DHH: variants seen among roughly 807,000 people sequenced by gnomAD.
DHH encodes the protein desert hedgehog signaling molecule.
In DHH, 16 loss-of-function variants were observed where a neutral mutation model predicts 27.6. The ratio of observed to expected loss-of-function variants is 0.58; its 90% CI spans 0.39 to 0.88. The LOEUF is 0.88. DHH is among the 40% of genes least tolerant of loss of function. DHH has a pLI of 0.00. For missense variants in DHH, 436 were observed against 563.1 expected, an observed-to-expected ratio of 0.77 and a Z score of 2.28; for synonymous variants, 289 against 263.4, an observed-to-expected ratio of 1.10 and a Z score of -0.94.
At position 49,086,835 on chromosome 12, in the gene DHH, G is replaced by C. The variant is rs373642165; in HGVS notation, c.*3024C>G. On this transcript the variant is annotated 3_prime_UTR_variant, in exon 3 of 3. Transcript: ENST00000649637. ...CTGGACTACTACAGAAATGCTGCTA[G>C]TATACCTCCAGCTTCTGAAAGTGCT... Among the ~76,000 whole-genome samples, 10 of 152,300 alleles carry C rather than the reference G, an allele frequency of 6.6e-5. No homozygotes were observed. In the East Asian group the frequency reaches 1.7e-3, roughly 26 times the overall value.
chr12:49,091,011 G>A lies in DHH; in HGVS notation c.565+117C>T, dbSNP rs1592185742. The stretch of plus-strand genomic sequence containing the variant: ...GGCACCGCCTCGGCCTGGACGGGTG[G>A]TTTTCAACACTAAAGCCCGCTTGGT... On this transcript the variant is annotated intron_variant, in intron 2 of 2. Coordinates refer to ENST00000649637, the MANE Select transcript of DHH (RefSeq NM_021044.4). This position sits in a 1 kb window ranked among gnomAD's most constrained non-coding sequence, Gnocchi z 4.8. 8 of 1,534,554 alleles carry A rather than the reference G, an allele frequency of 5.2e-6. No individual in the cohort carries two copies. In the East Asian group the frequency reaches 1.6e-4, roughly 30 times the overall value.
chr12:49,092,189 C>G (rs977438483), intron 1 of DHH: 14 of 152,512 alleles, frequency 9.2e-5, no homozygotes, highest in African/African-American at 2.9e-4. Flanking sequence ...CCCCTCCCCC[C>G]GCGCGTCCAG....
chr12:49,092,558 A>T (rs548197415), intron 1 of DHH, among the ~76,000 whole-genome samples: 1 of 152,246 alleles, frequency 6.6e-6, no homozygotes, highest in Admixed American at 6.5e-5. Context: ...ACAGAAAGAC[A>T]CTTTTCCCCT....
rs2117028 is a variant in DHH, at chr12:49,087,165, G to A, written c.*2694C>T. On this transcript the variant is annotated 3_prime_UTR_variant, in exon 3 of 3. Transcript: ENST00000649637. Reference sequence around the variant, plus strand: ...CCCACCTGCTGCACCAAGATGGTGCGCATTGCCGCTTGAAGGCAAGTCATG... The same window carrying A: ...CCCACCTGCTGCACCAAGATGGTGCACATTGCCGCTTGAAGGCAAGTCATG... Among the ~76,000 whole-genome samples the A allele has an allele frequency of 0.46, 70,382 of 151,572 alleles. 16,442 individuals carry two copies. The highest frequency in any genetic ancestry group is 0.54 in the South Asian group (2,615 of 4,806).
In DHH at chr12:49,090,187, G is replaced by T. The variant is rs1224016185; in HGVS notation, c.863C>A (p.Pro288Gln). Reference protein sequence around the residue: ...GPAPAPGDFAPVFARRLRAGD... With the variant: ...GPAPAPGDFAQVFARRLRAGD... ...AGCGCGTAGCCGGCGCGCGAACACCGGTGCAAAGTCGCCTGGCGCGGGCGC... is the reference window on the plus strand; with the variant it reads ...AGCGCGTAGCCGGCGCGCGAACACCTGTGCAAAGTCGCCTGGCGCGGGCGC... The change falls in exon 3 of 3, where the codon CCG (proline) becomes CAG (glutamine). Residue 288 changes from proline to glutamine, a missense_variant. Pro to Gln is a moderately conservative substitution (Grantham distance 76). Transcript: ENST00000649637. This position sits in a 1 kb window ranked among gnomAD's most constrained non-coding sequence, Gnocchi z 5.2. 1.9e-6 allele frequency: 3 copies of T among 1,548,156 alleles called. No homozygotes were observed. Among genetic ancestry groups the T allele is most frequent in the South Asian group, 2.4e-5 (2 of 84,010 alleles).
Position 49,091,524 on chromosome 12 carries a change from G to A in DHH, c.304-135C>T, listed in dbSNP as rs1291967867. ...GCTTTTGAGTGTCCTGGAGAAATGAGAATCTGAGTCGATGGTAGTCACCAA... is the reference window on the plus strand; with the variant it reads ...GCTTTTGAGTGTCCTGGAGAAATGAAAATCTGAGTCGATGGTAGTCACCAA... On this transcript the variant is annotated intron_variant, in intron 1 of 2. Transcript: ENST00000649637. The surrounding 1 kb of genome is among the most constrained non-coding windows in gnomAD (Gnocchi z 4.8). 4.0e-5 allele frequency: 53 copies of A among 1,326,156 alleles called. No homozygotes were observed. The highest frequency in any genetic ancestry group is 5.4e-5 in the Non-Finnish European group (52 of 962,320). 82.1% of individuals were successfully genotyped at this position (1,326,156 alleles called of 1,614,324 possible).
chr12:49,094,599 G>A lies in DHH; in HGVS notation c.-87C>T. 1 of 1,452,702 alleles carries A rather than the reference G, an allele frequency of 6.9e-7. No homozygotes were observed. The allele number at this position is 1,452,702 out of a possible 1,614,324, so 90.0% of individuals were successfully genotyped here. A position where few individuals can be genotyped will look rare whatever the true frequency, so the allele number is the denominator to read the frequency against. On this transcript the variant is annotated 5_prime_UTR_variant, in exon 1 of 3. Transcript: ENST00000649637. Reference sequence around the variant, plus strand: ...AGGCATCTCCACAGGCACCAGAGAGGGCAGCAGGCACAGCTGCCCCCAGAG... The same window carrying A: ...AGGCATCTCCACAGGCACCAGAGAGAGCAGCAGGCACAGCTGCCCCCAGAG...
chr12:49,089,825 C>A lies in DHH; in HGVS notation c.*34G>T, dbSNP rs1241677040. On this transcript the variant is annotated 3_prime_UTR_variant, in exon 3 of 3. Coordinates refer to ENST00000649637, the MANE Select transcript of DHH (RefSeq NM_021044.4). ...ATCTCAGCCAGCAGGCCCTCGTTTC[C>A]TCGGGCGCTTCGAGGTTTCTATGCC... 1 of 1,503,742 alleles carries A rather than the reference C, an allele frequency of 6.7e-7. No individual in the cohort carries two copies. 93.1% of individuals were successfully genotyped at this position (1,503,742 alleles called of 1,614,324 possible).
intron 1 of DHH, 58 bp downstream of exon 1, chr12:49,094,152 A>G (rs543638216): frequency 2.5e-6 from 4 of 1,599,068 alleles, no homozygotes; most frequent in African/African-American, 2.7e-5. Flanking sequence ...CTGGGCTGCC[A>G]TAGGAAAACG....
chr12:49,091,782 C>T lies in DHH; in HGVS notation c.304-393G>A, dbSNP rs1402366972. Among the ~76,000 whole-genome samples the T allele has an allele frequency of 2.0e-5, 3 of 151,976 alleles. No individual in the cohort carries two copies. Among genetic ancestry groups the T allele is most frequent in the Non-Finnish European group, 4.4e-5 (3 of 67,988 alleles). ...GCCCCTGTTTGAGCCTGGCCCCCGC[C>T]CCAGGCACCGGCTCCCCTCCCTCCG... On this transcript the variant is annotated intron_variant, in intron 1 of 2. Transcript: ENST00000649637. This position sits in a 1 kb window ranked among gnomAD's most constrained non-coding sequence, Gnocchi z 4.8.
Position 49,094,063 on chromosome 12 carries a change from ATT to A in DHH, c.303+145_303+146del, listed in dbSNP as rs1191361967. On this transcript the variant is annotated intron_variant, in intron 1 of 2. Coordinates refer to ENST00000649637, the MANE Select transcript of DHH (RefSeq NM_021044.4). Reference sequence around the variant, plus strand: ...TAATTACTCTGTCCAGACTGCAAGGATTTTTCCCCCCCCTGGGGCTGGTGACA... The same window carrying A: ...TAATTACTCTGTCCAGACTGCAAGGATTTCCCCCCCCTGGGGCTGGTGACA... 2.0e-5 allele frequency: 18 copies of A among 908,372 alleles called. No homozygotes were observed. The African/African-American group carries it at 2.5e-4, about 13-fold the overall frequency. The allele number at this position is 908,372 out of a possible 1,614,324, so 56.3% of individuals were successfully genotyped here.
rs1939228895 is a variant in DHH, at chr12:49,087,606, G to A, written c.*2253C>T. Among the ~76,000 whole-genome samples the A allele has an allele frequency of 6.6e-6, 1 of 152,176 alleles. No individual in the cohort carries two copies. The highest frequency in any genetic ancestry group is 2.1e-4 in the South Asian group (1 of 4,828). On this transcript the variant is annotated 3_prime_UTR_variant, in exon 3 of 3. Transcript: ENST00000649637. ...TAGTCCCAGCTACTTGAGAGGCTGA[G>A]GTGGGAGGATTGCTTGAGCCCAGGA...
At position 49,088,939 on chromosome 12, in the gene DHH, G is replaced by A. The variant is rs974373958; in HGVS notation, c.*920C>T. On this transcript the variant is annotated 3_prime_UTR_variant, in exon 3 of 3. Transcript: ENST00000649637. Reference sequence around the variant, plus strand: ...CTTTTTCAGGCCATGACTATGCGACGATTGCAAATTATTACCCAGGTTTCC... The same window carrying A: ...CTTTTTCAGGCCATGACTATGCGACAATTGCAAATTATTACCCAGGTTTCC... Among the ~76,000 whole-genome samples the A allele has an allele frequency of 3.3e-5, 5 of 152,164 alleles. No individual in the cohort carries two copies. The highest frequency in any genetic ancestry group is 1.3e-4 in the Admixed American group (2 of 15,274).
chr12:49,091,107 A>T lies in DHH; in HGVS notation c.565+21T>A. On this transcript the variant is annotated intron_variant, in intron 2 of 2. Transcript: ENST00000649637. This position sits in a 1 kb window ranked among gnomAD's most constrained non-coding sequence, Gnocchi z 4.8. ...AGGGAGCCCCCTTTGGGCGGATTTTACCACCCTCCTCCTACTGTACCAGCT... is the reference window on the plus strand; with the variant it reads ...AGGGAGCCCCCTTTGGGCGGATTTTTCCACCCTCCTCCTACTGTACCAGCT... The T allele has an allele frequency of 6.2e-7, 1 of 1,614,128 alleles. No homozygotes were observed. The highest frequency in any genetic ancestry group is 8.5e-7 in the Non-Finnish European group (1 of 1,180,024).
Position 49,090,521 on chromosome 12 carries a change from C to T in DHH, c.566-37G>A. ...AACCACAGGGAGGATTGAATCAAGA[C>T]CAGCGGTTCCAGAACGATTCTCAAG... On this transcript the variant is annotated intron_variant, in intron 2 of 2. Coordinates refer to ENST00000649637, the MANE Select transcript of DHH (RefSeq NM_021044.4). This position sits in a 1 kb window ranked among gnomAD's most constrained non-coding sequence, Gnocchi z 5.2. 1 of 1,591,690 alleles carries T rather than the reference C, an allele frequency of 6.3e-7. No individual in the cohort carries two copies. The highest frequency in any genetic ancestry group is 8.5e-7 in the Non-Finnish European group (1 of 1,177,642).
At position 49,090,330 on chromosome 12, in the gene DHH, C is replaced by A; in HGVS notation, c.720G>T (p.Leu240=). Residue 240 remains leucine, a synonymous_variant, in exon 3 of 3, where the codon CTG becomes CTT. Coordinates refer to ENST00000649637, the MANE Select transcript of DHH (RefSeq NM_021044.4). This position sits in a 1 kb window ranked among gnomAD's most constrained non-coding sequence, Gnocchi z 5.2. ...ASGRVVPTPV[L]LFLDRDLQRR... is the part of the protein sequence containing the mutation. ...GCTGCAAGTCCCGGTCCAGGAAGAGCAGCACCGGCGTGGGCACCACCCGGC... is the reference window on the plus strand; with the variant it reads ...GCTGCAAGTCCCGGTCCAGGAAGAGAAGCACCGGCGTGGGCACCACCCGGC... 6.2e-7 allele frequency: 1 copy of A among 1,605,728 alleles called. No homozygotes were observed. The highest frequency in any genetic ancestry group is 8.5e-7 in the Non-Finnish European group (1 of 1,177,104).
Position 49,091,002 on chromosome 12 carries a change from G to A in DHH, c.565+126C>T. ...GAGGCGTGAGGCACCGCCTCGGCCT[G>A]GACGGGTGGTTTTCAACACTAAAGC... On this transcript the variant is annotated intron_variant, in intron 2 of 2. Coordinates refer to ENST00000649637, the MANE Select transcript of DHH (RefSeq NM_021044.4). This position sits in a 1 kb window ranked among gnomAD's most constrained non-coding sequence, Gnocchi z 4.8. 6.9e-7 allele frequency: 1 copy of A among 1,444,410 alleles called. No individual in the cohort carries two copies. The highest frequency in any genetic ancestry group is 1.7e-5 in the Admixed American group (1 of 59,234). 89.5% of individuals were successfully genotyped at this position (1,444,410 alleles called of 1,614,324 possible).
chr12:49,094,058 C>A, intron 1 of DHH, 152 bp downstream of exon 1: 2 of 869,042 alleles, frequency 2.3e-6, no homozygotes, highest in Middle Eastern at 3.4e-4. Context: ...GTCCAGACTG[C>A]AAGGATTTTT....
chr12:49,091,355 G>C lies in DHH; in HGVS notation c.338C>G (p.Ala113Gly), dbSNP rs1032107398. Reference protein sequence around the residue: ...CKERVNALAIAVMNMWPGVRL... With the variant: ...CKERVNALAIGVMNMWPGVRL... ...CACTCCGGGCCACATGTTCATCACG[G>C]CAATGGCCAAAGCGTTCACCCGCTC... The change falls in exon 2 of 3, where the codon GCC becomes GGC. Residue 113 changes from alanine (A) to glycine (G), a missense_variant. Coordinates refer to ENST00000649637, the MANE Select transcript of DHH (RefSeq NM_021044.4). The surrounding 1 kb of genome is among the most constrained non-coding windows in gnomAD (Gnocchi z 4.8). 6.2e-7 allele frequency: 1 copy of C among 1,614,068 alleles called. No individual in the cohort carries two copies. The highest frequency in any genetic ancestry group is 8.5e-7 in the Non-Finnish European group (1 of 1,180,044).
Sources: gnomAD v4.1 joint callset for allele counts (sites outside exome capture counted in the v4.1 genomes callset) on GRCh38, gnomAD v4.1.1 for gene constraint, Gnocchi (gnomAD v3.1) non-coding constraint, MANE v1.5 for transcripts, NCBI Gene and HGNC (gene_info 2026-07-23, HGNC 2026-07-21) for gene names.